Variants in IWS1 observed in about 807,000 individuals in gnomAD.
IWS1 encodes the protein interacts with SUPT6H, CTD assembly factor 1, also known as protein IWS1 homolog.
A neutral mutation model predicts 86.7 loss-of-function variants in IWS1; 27 were observed. That is an observed-to-expected ratio of 0.31 (90% CI 0.23 to 0.43). The LOEUF is 0.43. IWS1 is among the 20% of genes least tolerant of loss of function. The probability of loss-of-function intolerance (pLI) is 1.00; values close to 1 mark genes in which losing one functional copy is unlikely to be tolerated. For missense variants in IWS1, 827 were observed against 1,000.8 expected (o/e 0.83, Z 2.34); for synonymous variants, 313 against 335.1 (o/e 0.93, Z 0.72).
rs768752900 is a variant in IWS1, at chr2:127,493,416, G to A, written c.1800-6C>T. 3.1e-6 allele frequency: 5 copies of A among 1,589,846 alleles called. No individual in the cohort carries two copies. The highest frequency in any genetic ancestry group is 1.4e-5 in the African/African-American group (1 of 73,380). On this transcript the variant is annotated splice_polypyrimidine_tract_variant and splice_region_variant and intron_variant, in intron 8 of 13. Transcript: ENST00000295321. ...ATGTTTCTTTAAGGTCCTGCCTGCA[G>A]TAACAATAATTTTTAAAAATTCTGT...
chr2:127,504,431 A>G (rs1303433959), intron 3 of IWS1, among the ~76,000 whole-genome samples: 1 of 152,102 alleles, frequency 6.6e-6, no homozygotes, highest in Non-Finnish European at 1.5e-5. Context: ...ACAGTATTTT[A>G]TATTCCTATT....
rs1692411279 is a variant in IWS1, at chr2:127,526,289, G to C, written c.-81C>G. On this transcript the variant is annotated 5_prime_UTR_variant, in exon 1 of 14. Coordinates refer to ENST00000295321, the MANE Select transcript of IWS1 (RefSeq NM_017969.3). ...CTTCCAGGCGGTGTGACCCCGGATG[G>C]CGCGGCTAAGTGTTCAGAGACTGCC... 1.3e-6 allele frequency: 2 copies of C among 1,544,250 alleles called. No individual in the cohort carries two copies. Among genetic ancestry groups the C allele is most frequent in the Non-Finnish European group, 1.7e-6 (2 of 1,146,904 alleles).
chr2:127,493,716 T>TAA (rs397974960), intron 8 of IWS1, among the ~76,000 whole-genome samples: 3 of 127,440 alleles, frequency 2.4e-5, no homozygotes, highest in East Asian at 2.3e-4. Flanking sequence ...TCTTTTCAAC[T>TAA]AAAAAAAAAA....
In IWS1 at chr2:127,480,868, G is replaced by A. The variant is rs1209688072; in HGVS notation, c.*176C>T. ...ATAGAAGTATGACTAGTATTCCTTT[G>A]TACAAAGTACACAACGGTTTTAAAT... On this transcript the variant is annotated 3_prime_UTR_variant, in exon 14 of 14. Coordinates refer to ENST00000295321, the MANE Select transcript of IWS1 (RefSeq NM_017969.3). The A allele has an allele frequency of 1.6e-6, 1 of 614,970 alleles. No individual in the cohort carries two copies. The highest frequency in any genetic ancestry group is 3.7e-5 in the Admixed American group (1 of 27,294). The allele number at this position is 614,970 out of a possible 1,614,324, so 38.1% of individuals were successfully genotyped here.
At chr2:127,511,278 G>C (rs1691437648) in intron 2 of IWS1, 1 of 152,192 alleles carries the variant, frequency 6.6e-6, no homozygotes, top group Non-Finnish European at 1.5e-5. Context: ...TCTACTATGT[G>C]ATCAAAGGAC....
chr2:127,517,909 T>A (rs1411295067), intron 2 of IWS1, among the ~76,000 whole-genome samples: 10 of 152,212 alleles, frequency 6.6e-5, no homozygotes, highest in African/African-American at 1.7e-4. Flanking sequence ...TACTCATGTG[T>A]GCTACAACAT....
At position 127,505,784 on chromosome 2, in the gene IWS1, G is replaced by T; in HGVS notation, c.151-32C>A. 2.1e-5 allele frequency: 26 copies of T among 1,226,424 alleles called. No individual in the cohort carries two copies. The highest frequency in any genetic ancestry group is 7.7e-5 in the East Asian group (3 of 39,100). The allele number at this position is 1,226,424 out of a possible 1,614,324, so 76.0% of individuals were successfully genotyped here. A position where few individuals can be genotyped will look rare whatever the true frequency, so the allele number is the denominator to read the frequency against. On this transcript the variant is annotated intron_variant, in intron 2 of 13. Coordinates refer to ENST00000295321, the MANE Select transcript of IWS1 (RefSeq NM_017969.3). The surrounding 1 kb of genome is among the most constrained non-coding windows in gnomAD (Gnocchi z 5.0). ...AATAAAGTGAGAAAAAATTAGGAAA[G>T]TGCAAAAAAAAAAAAACCATTAATA... is the stretch of plus-strand genomic sequence containing the variant.
chr2:127,514,267 C>T (rs938350157), intron 2 of IWS1: 1 of 154,498 alleles, frequency 6.5e-6, no homozygotes, highest in African/African-American at 2.4e-5. Flanking sequence ...CTTCCCTACC[C>T]TGCTCACTCT....
intron 2 of IWS1, among the ~76,000 whole-genome samples, chr2:127,520,897 T>C (rs1246872613): frequency 6.6e-6 from 1 of 152,240 alleles, no homozygotes; most frequent in Non-Finnish European, 1.5e-5. Context: ...CATTAAACAT[T>C]ACGCTTATTG....
At chr2:127,506,602 A>G (rs533170664) in intron 2 of IWS1, 28 of 163,286 alleles carry the variant, frequency 1.7e-4, no homozygotes, top group African/African-American at 6.7e-4. Context: ...CTAAGTACCC[A>G]CTAAGAGCCA....
At chr2:127,487,207 A>G (rs915864384) in intron 12 of IWS1, among the ~76,000 whole-genome samples, 4 of 152,244 alleles carry the variant, frequency 2.6e-5, no homozygotes, top group African/African-American at 9.6e-5. Flanking sequence ...TGATAGAGAG[A>G]GAGATCCAAT....
intron 6 of IWS1, among the ~76,000 whole-genome samples, chr2:127,496,389 T>C (rs1690514404): frequency 6.6e-6 from 1 of 152,124 alleles, no homozygotes; most frequent in Non-Finnish European, 1.5e-5. Flanking sequence ...AAATATTTTT[T>C]ATAAATTTAG....
chr2:127,525,137 G>T (rs1692330331), intron 1 of IWS1, among the ~76,000 whole-genome samples: 1 of 149,466 alleles, frequency 6.7e-6, no homozygotes, highest in South Asian at 2.1e-4. Flanking sequence ...GGGCATGGGG[G>T]GTGGGGGTGG....
At chr2:127,526,799 C>T (rs1169566898), upstream of IWS1, 5 of 821,494 alleles carry the variant, frequency 6.1e-6, no homozygotes, top group Non-Finnish European at 8.9e-6. Context: ...TCAGCCAAAC[C>T]ACTGTCTTTC....
intron 2 of IWS1, among the ~76,000 whole-genome samples, chr2:127,513,462 A>G (rs1284254976): frequency 6.6e-6 from 1 of 152,194 alleles, no homozygotes; most frequent in Non-Finnish European, 1.5e-5. Flanking sequence ...TTAAGAAACT[A>G]TCTTTCCATG....
At chr2:127,523,907 TTAAC>T in intron 1 of IWS1, 116 bp from the exon 2 acceptor site, 1 of 676,852 alleles carries the variant, frequency 1.5e-6, no homozygotes, top group East Asian at 2.5e-5. Context: ...TGAGGAAGCA[TTAAC>T]TAAAGTTGCT....
chr2:127,491,018 G>A (rs1690197274), intron 10 of IWS1: 2 of 152,154 alleles, frequency 1.3e-5, no homozygotes, highest in South Asian at 4.1e-4. Flanking sequence ...AGTTAAGGAG[G>A]ACAACAAAAA....
chr2:127,495,310 T>C (rs377223781), intron 7 of IWS1, among the ~76,000 whole-genome samples: 4 of 152,342 alleles, frequency 2.6e-5, no homozygotes, highest in African/African-American at 9.6e-5. Flanking sequence ...TGAGGTTATA[T>C]GATATTGGAA....
intron 10 of IWS1, among the ~76,000 whole-genome samples, chr2:127,491,536 C>T (rs774991494): frequency 2.0e-5 from 3 of 152,130 alleles, no homozygotes; most frequent in African/African-American, 7.2e-5. Context: ...CTCCGCCTCC[C>T]GGGTTCAAGT....
Sources: allele counts gnomAD v4.1 joint callset (sites outside exome capture counted in the v4.1 genomes callset), GRCh38; gene constraint gnomAD v4.1.1; non-coding constraint Gnocchi (gnomAD v3.1); transcripts MANE v1.5; gene names NCBI Gene and HGNC (gene_info 2026-07-23, HGNC 2026-07-21).